The following TLK2 variants were observed in gnomAD, a reference collection of about 807,000 sequenced individuals.
The protein encoded by TLK2 is tousled like kinase 2.
In TLK2, 6 loss-of-function variants were observed where a neutral mutation model predicts 117.3. The ratio of observed to expected loss-of-function variants is 0.05; its 90% CI spans 0.03 to 0.10. The LOEUF (loss-of-function observed/expected upper bound fraction) is 0.10. Among genes scored for constraint, TLK2 ranks in the 10% least tolerant of loss-of-function variants. The pLI, the probability that TLK2 is intolerant of heterozygous loss-of-function variation, is 1.00. For missense variants in TLK2, 299 were observed against 901.2 expected, an observed-to-expected ratio of 0.33 and a Z score of 8.56; for synonymous variants, 257 against 316.7, an observed-to-expected ratio of 0.81 and a Z score of 2.00.
chr17:62,482,014 C>T (rs1035390404), intron 2 of TLK2, among the ~76,000 whole-genome samples: 11 of 151,804 alleles, frequency 7.2e-5, no homozygotes, highest in African/African-American at 2.4e-4. Context: ...GGCGTGATCT[C>T]GGCTCACTGC....
chr17:62,480,343 T>C (rs1401089975), intron 1 of TLK2, among the ~76,000 whole-genome samples: 4 of 152,178 alleles, frequency 2.6e-5, no homozygotes, highest in African/African-American at 9.7e-5. Flanking sequence ...ACATATTTGC[T>C]GAAAGTAGCC....
chr17:62,493,598 T>C (rs2144751231), intron 2 of TLK2, among the ~76,000 whole-genome samples: 1 of 152,342 alleles, frequency 6.6e-6, no homozygotes, highest in East Asian at 1.9e-4. Context: ...AAATAGTGGT[T>C]CTTTTAATTC....
chr17:62,592,524 A>G (rs2082154197), intron 16 of TLK2, among the ~76,000 whole-genome samples: 1 of 152,180 alleles, frequency 6.6e-6, no homozygotes, highest in Non-Finnish European at 1.5e-5. Flanking sequence ...CTTAGATGGT[A>G]TAGCCTACTT....
intron 2 of TLK2, among the ~76,000 whole-genome samples, chr17:62,508,237 T>C (rs996555264): frequency 6.7e-6 from 1 of 149,624 alleles, no homozygotes; most frequent in Non-Finnish European, 1.5e-5. Context: ...CCAAGTGATA[T>C]GGATATTAGT....
chr17:62,579,294 G>A (rs555747525), intron 14 of TLK2, among the ~76,000 whole-genome samples: 5 of 152,016 alleles, frequency 3.3e-5, no homozygotes, highest in African/African-American at 1.2e-4. Flanking sequence ...CATTTAATCC[G>A]CAGGATAACC....
chr17:62,613,733 TGTG>T lies in TLK2; in HGVS notation c.*1175_*1177del, dbSNP rs1379410784. The T allele has an allele frequency of 6.6e-6, 1 of 152,182 alleles. No homozygotes were observed. The highest frequency in any genetic ancestry group is 2.4e-5 in the African/African-American group (1 of 41,448). 9.4% of individuals were successfully genotyped at this position (152,182 alleles called of 1,614,324 possible). On this transcript the variant is annotated 3_prime_UTR_variant, in exon 22 of 22. Transcript: ENST00000346027. Reference sequence around the variant, plus strand: ...CCCAAGCCTCTGAATTTTGTGGGTGTGTGGTGGTGTGTGTCTGTGTGTGCATGT... The same window carrying T: ...CCCAAGCCTCTGAATTTTGTGGGTGTGTGGTGTGTGTCTGTGTGTGCATGT...
At chr17:62,543,333 T>C (rs551380346) in intron 7 of TLK2, among the ~76,000 whole-genome samples, 3 of 152,332 alleles carry the variant, frequency 2.0e-5, no homozygotes, top group African/African-American at 7.2e-5. Flanking sequence ...TAAGACTTTG[T>C]GTAGACATAC....
chr17:62,563,256 A>G (rs2079443900), intron 10 of TLK2, among the ~76,000 whole-genome samples: 1 of 152,196 alleles, frequency 6.6e-6, no homozygotes, highest in Admixed American at 6.5e-5. Flanking sequence ...AAGGAAACCT[A>G]TTCAGATGAG....
chr17:62,481,903 A>C (rs952856219), intron 2 of TLK2, among the ~76,000 whole-genome samples: 2 of 152,188 alleles, frequency 1.3e-5, no homozygotes, highest in Non-Finnish European at 2.9e-5. Flanking sequence ...TTATTGGTCC[A>C]AGATCATATT....
Position 62,520,840 on chromosome 17 carries a change from T to C in TLK2, c.149T>C (p.Val50Ala). The C allele has an allele frequency of 6.2e-7, 1 of 1,612,302 alleles. No homozygotes were observed. The highest frequency in any genetic ancestry group is 8.5e-7 in the Non-Finnish European group (1 of 1,179,034). Residue 50 changes from valine (V) to alanine (A), a missense_variant, in exon 3 of 22, where the codon GTA becomes GCA. Val to Ala is a moderately conservative substitution (Grantham distance 64). This residue lies in a region of TLK2 where 105 missense variants were observed against 218.4 expected (regional missense o/e 0.48). Transcript: ENST00000346027. ...CSVGSLSDKE[V>A]ETPEKKQNDQ... ...GTCGGATCCTTGAGTGATAAAGAAG[T>C]AGAGGTAAGAAGCTATGTTCATGGC...
At chr17:62,507,118 G>T (rs998192019) in intron 2 of TLK2, among the ~76,000 whole-genome samples, 3 of 151,488 alleles carry the variant, frequency 2.0e-5, no homozygotes, top group South Asian at 2.1e-4. Context: ...TGAAAGTGGG[G>T]TTTTTTTTGG....
chr17:62,588,556 C>T (rs917540265), intron 16 of TLK2, among the ~76,000 whole-genome samples: 2 of 152,172 alleles, frequency 1.3e-5, no homozygotes, highest in African/African-American at 4.8e-5. Flanking sequence ...CTGAGCTCAT[C>T]TGAGGAGGGG....
intron 2 of TLK2, among the ~76,000 whole-genome samples, chr17:62,502,119 G>A (rs1408982352): frequency 2.8e-5 from 4 of 143,544 alleles, no homozygotes; most frequent in Non-Finnish European, 6.1e-5. Context: ...TAGGAAAAAA[G>A]AAAACTGTAG....
At chr17:62,552,268 C>CT (rs1385812018) in intron 7 of TLK2, 34 bp from the exon 8 acceptor site, 1 of 1,570,282 alleles carries the variant, frequency 6.4e-7, no homozygotes, top group Admixed American at 1.8e-5. Context: ...AGATGCCAAA[C>CT]TTTCCTGTGA....
chr17:62,606,331 T>G, intron 20 of TLK2, 90 bp downstream of exon 20: 3 of 642,904 alleles, frequency 4.7e-6, no homozygotes, highest in Non-Finnish European at 5.0e-6. Flanking sequence ...TCTATTGGAG[T>G]TAATTATTGG....
chr17:62,500,134 A>G (rs564788349), intron 2 of TLK2, among the ~76,000 whole-genome samples: 5 of 151,914 alleles, frequency 3.3e-5, no homozygotes, highest in Non-Finnish European at 7.4e-5. Flanking sequence ...CAGTGGTATG[A>G]TCATAGTTCA....
intron 15 of TLK2, among the ~76,000 whole-genome samples, chr17:62,584,167 A>G (rs1416645137): frequency 2.5e-5 from 3 of 118,180 alleles, no homozygotes; most frequent in African/African-American, 1.0e-4. Flanking sequence ...CAGGCTGGAG[A>G]GTGCAGTGGT....
chr17:62,572,042 C>T (rs1447173676), intron 11 of TLK2, among the ~76,000 whole-genome samples: 2 of 151,820 alleles, frequency 1.3e-5, no homozygotes, highest in African/African-American at 2.4e-5. Context: ...TGGTGGCGCA[C>T]ACCTGTAATC....
intron 2 of TLK2, among the ~76,000 whole-genome samples, chr17:62,487,823 A>G (rs2072625258): frequency 6.6e-6 from 1 of 151,712 alleles, no homozygotes; most frequent in Non-Finnish European, 1.5e-5. Flanking sequence ...GGGTTTCTTC[A>G]TGTTGGTCAG....
Sources: allele counts gnomAD v4.1 joint callset (sites outside exome capture counted in the v4.1 genomes callset), GRCh38; gene constraint gnomAD v4.1.1; regional missense constraint gnomAD v4.1.1; transcripts MANE v1.5; gene names NCBI Gene and HGNC (gene_info 2026-07-23, HGNC 2026-07-21).